The following PARD6G variants were observed in gnomAD, a reference collection of about 807,000 sequenced individuals.
The protein encoded by PARD6G is partitioning defective 6 homolog gamma.
In PARD6G, 7 loss-of-function variants were observed where a neutral mutation model predicts 10.7. That is an observed-to-expected ratio of 0.66 (90% CI 0.37 to 1.23). PARD6G has a LOEUF of 1.23. Ranked by LOEUF, PARD6G falls within the 50% of genes most tolerant of loss-of-function variation. The pLI, the probability that PARD6G is intolerant of heterozygous loss-of-function variation, is 0.02. For missense variants in PARD6G, 548 were observed against 571.8 expected (o/e 0.96, Z 0.42); for synonymous variants, 287 against 269.4 (o/e 1.07, Z -0.64).
In PARD6G at chr18:80,209,516, C is replaced by T. The variant is rs774933711; in HGVS notation, c.73-6584G>A. The stretch of plus-strand genomic sequence containing the variant: ...AAATACCAAGATCAATAAGCAAAAG[C>T]GTATCAGCATCTGGCTAGGTGTGGT... On this transcript the variant is annotated intron_variant, in intron 1 of 2. Transcript: ENST00000353265. Among the ~76,000 whole-genome samples the T allele has an allele frequency of 3.0e-4, 46 of 152,082 alleles. 1 individual carries two copies. Among genetic ancestry groups the T allele is most frequent in the Non-Finnish European group, 5.4e-4 (37 of 68,026 alleles).
chr18:80,243,393 T>C (rs1967510027), intron 1 of PARD6G, among the ~76,000 whole-genome samples: 1 of 152,136 alleles, frequency 6.6e-6, no homozygotes, highest in Non-Finnish European at 1.5e-5. Context: ...GCGTGCATCA[T>C]ACAGGCACAC....
At chr18:80,198,032 G>C (rs942885211) in intron 2 of PARD6G, among the ~76,000 whole-genome samples, 6 of 152,208 alleles carry the variant, frequency 3.9e-5, no homozygotes, top group African/African-American at 1.4e-4. Context: ...CACAGTCCCT[G>C]GCCAGATGCA....
chr18:80,185,568 C>T (rs1366261661), intron 2 of PARD6G, among the ~76,000 whole-genome samples: 1 of 152,024 alleles, frequency 6.6e-6, no homozygotes, highest in Non-Finnish European at 1.5e-5. Context: ...TTATTCTAGG[C>T]ACATGACCAG....
At position 80,159,807 on chromosome 18, in the gene PARD6G, G is replaced by C; in HGVS notation, c.1095C>G (p.Gly365=). Residue 365 remains glycine (G), a synonymous_variant, in exon 3 of 3, where the codon GGC becomes GGG. Transcript: ENST00000353265. ...DPRHSLALPP[G]GVEEHGPAVT... ...CCGCGGGCCCGTGCTCCTCCACGCCGCCTGGCGGCAGCGCCAGGCTGTGAC... is the reference window on the plus strand; with the variant it reads ...CCGCGGGCCCGTGCTCCTCCACGCCCCCTGGCGGCAGCGCCAGGCTGTGAC... The C allele has an allele frequency of 6.9e-7, 1 of 1,458,156 alleles. No individual in the cohort carries two copies. The highest frequency in any genetic ancestry group is 9.0e-7 in the Non-Finnish European group (1 of 1,111,424). The allele number at this position is 1,458,156 out of a possible 1,614,324, so 90.3% of individuals were successfully genotyped here. A position where few individuals can be genotyped will look rare whatever the true frequency, so the allele number is the denominator to read the frequency against.
At chr18:80,213,008 C>T (rs1018014146) in intron 1 of PARD6G, among the ~76,000 whole-genome samples, 2 of 151,876 alleles carry the variant, frequency 1.3e-5, no homozygotes, top group African/African-American at 4.8e-5. Context: ...GTTTTTGTGA[C>T]GAGAAATATG....
chr18:80,193,744 A>C (rs1234261965), intron 2 of PARD6G, among the ~76,000 whole-genome samples: 2 of 152,180 alleles, frequency 1.3e-5, no homozygotes, highest in Non-Finnish European at 2.9e-5. Context: ...TGTGGCTCCG[A>C]GTGGAACTGC....
chr18:80,199,309 T>C (rs1966987094), intron 2 of PARD6G, among the ~76,000 whole-genome samples: 1 of 152,252 alleles, frequency 6.6e-6, no homozygotes. Context: ...CTCTTAAACA[T>C]ACGGTTTCTG....
intron 1 of PARD6G, among the ~76,000 whole-genome samples, chr18:80,242,647 C>T (rs774833354): frequency 1.1e-4 from 17 of 152,354 alleles, no homozygotes; most frequent in Admixed American, 3.9e-4. Flanking sequence ...GAGCCAGTCA[C>T]CCTCAGCACC....
chr18:80,159,416 T>G lies in PARD6G; in HGVS notation c.*355A>C. The G allele has an allele frequency of 5.2e-6, 1 of 191,912 alleles. No individual in the cohort carries two copies. The allele number at this position is 191,912 out of a possible 1,614,324, so 11.9% of individuals were successfully genotyped here. A position where few individuals can be genotyped will look rare whatever the true frequency, so the allele number is the denominator to read the frequency against. Reference sequence around the variant, plus strand: ...GGGCCAACTTACTTAAAAACATGAATTTGACTATTTTAAAAAAGTAATTTT... The same window carrying G: ...GGGCCAACTTACTTAAAAACATGAAGTTGACTATTTTAAAAAAGTAATTTT... On this transcript the variant is annotated 3_prime_UTR_variant, in exon 3 of 3. Transcript: ENST00000353265.
chr18:80,236,729 A>G (rs766777090), intron 1 of PARD6G, among the ~76,000 whole-genome samples: 1 of 152,122 alleles, frequency 6.6e-6, no homozygotes, highest in East Asian at 1.9e-4. Context: ...ACCAAATCAT[A>G]AGTGAACTCC....
chr18:80,173,057 G>A (rs542651599), intron 2 of PARD6G, among the ~76,000 whole-genome samples: 2 of 152,262 alleles, frequency 1.3e-5, no homozygotes, highest in South Asian at 4.1e-4. Context: ...ATCGGCCTTG[G>A]AGAAGTGAGC....
chr18:80,246,061 G>A lies in PARD6G; in HGVS notation c.72+1216C>T, dbSNP rs953729369. ...ACTCCAAAGGTCAGAGCAGCACAGC[G>A]AGAGGGGGCTGTTGGACTTGCCTCC... is the stretch of plus-strand genomic sequence containing the variant. On this transcript the variant is annotated intron_variant, in intron 1 of 2. Coordinates refer to ENST00000353265, the MANE Select transcript of PARD6G (RefSeq NM_032510.4). The surrounding 1 kb of genome is among the most constrained non-coding windows in gnomAD (Gnocchi z 6.7). 2.6e-5 allele frequency among the ~76,000 whole-genome samples: 4 copies of A among 152,080 alleles called. No individual in the cohort carries two copies. The highest frequency in any genetic ancestry group is 4.4e-5 in the Non-Finnish European group (3 of 68,000).
intron 1 of PARD6G, among the ~76,000 whole-genome samples, chr18:80,242,751 C>A (rs187518028): frequency 6.9e-4 from 105 of 152,330 alleles, no homozygotes; most frequent in African/African-American, 2.1e-3. Context: ...AGGACAAAAC[C>A]AGGCAGTTGA....
chr18:80,247,201 GT>G lies in PARD6G; in HGVS notation c.72+75del. The G allele has an allele frequency of 8.0e-7, 1 of 1,247,482 alleles. No homozygotes were observed. Among genetic ancestry groups the G allele is most frequent in the Non-Finnish European group, 1.1e-6 (1 of 900,306 alleles). The allele number at this position is 1,247,482 out of a possible 1,614,324, so 77.3% of individuals were successfully genotyped here. A position where few individuals can be genotyped will look rare whatever the true frequency, so the allele number is the denominator to read the frequency against. On this transcript the variant is annotated intron_variant, in intron 1 of 2. Coordinates refer to ENST00000353265, the MANE Select transcript of PARD6G (RefSeq NM_032510.4). The surrounding 1 kb of genome is among the most constrained non-coding windows in gnomAD (Gnocchi z 4.2). Reference sequence around the variant, plus strand: ...CGCCTGTCGCCTCCACGCCGCCCCAGTCCCCCTCCGCGGGGCGCCCCATTCA... The same window carrying G: ...CGCCTGTCGCCTCCACGCCGCCCCAGCCCCCTCCGCGGGGCGCCCCATTCA...
intron 1 of PARD6G, among the ~76,000 whole-genome samples, chr18:80,235,032 C>T (rs1330883514): frequency 6.6e-6 from 1 of 152,166 alleles, no homozygotes; most frequent in Non-Finnish European, 1.5e-5. Context: ...CAGAACTCTC[C>T]ACCCCAAATC....
intron 1 of PARD6G, among the ~76,000 whole-genome samples, chr18:80,241,358 C>T (rs1967487560): frequency 6.6e-6 from 1 of 152,174 alleles, no homozygotes; most frequent in East Asian, 1.9e-4. Context: ...GTCAGTGAAG[C>T]ACCCTGTGAC....
chr18:80,183,135 C>T lies in PARD6G; in HGVS notation c.295+19575G>A, dbSNP rs1220803491. On this transcript the variant is annotated intron_variant, in intron 2 of 2. Coordinates refer to ENST00000353265, the MANE Select transcript of PARD6G (RefSeq NM_032510.4). The surrounding 1 kb of genome is among the most constrained non-coding windows in gnomAD (Gnocchi z 4.5). ...TGAGCTGAAGAGTCAGGTTCCTGGTCGCAGGGCTCCGTCATCTGCAGGAAA... is the reference window on the plus strand; with the variant it reads ...TGAGCTGAAGAGTCAGGTTCCTGGTTGCAGGGCTCCGTCATCTGCAGGAAA... 4 of 702,766 alleles carry T rather than the reference C, an allele frequency of 5.7e-6. No homozygotes were observed. Among genetic ancestry groups the T allele is most frequent in the East Asian group, 2.7e-5 (1 of 37,290 alleles). 43.5% of individuals were successfully genotyped at this position (702,766 alleles called of 1,614,324 possible).
At chr18:80,160,655 G>A (rs1469745804) in intron 2 of PARD6G, 49 bp from the exon 3 acceptor site, 15 of 1,427,962 alleles carry the variant, frequency 1.1e-5, no homozygotes, top group Non-Finnish European at 1.4e-5. Flanking sequence ...AGCCCCGCCT[G>A]AGCCCTCGGC....
At chr18:80,230,060 G>C (rs944183310) in intron 1 of PARD6G, among the ~76,000 whole-genome samples, 1 of 152,216 alleles carries the variant, frequency 6.6e-6, no homozygotes, top group African/African-American at 2.4e-5. Context: ...CACTGTCAGG[G>C]TGGGGTCACA....
Sources: allele counts gnomAD v4.1 joint callset (sites outside exome capture counted in the v4.1 genomes callset), GRCh38; gene constraint gnomAD v4.1.1; non-coding constraint Gnocchi (gnomAD v3.1); transcripts MANE v1.5; gene names NCBI Gene and HGNC (gene_info 2026-07-23, HGNC 2026-07-21).